Variants in ANKRD44 observed in about 807,000 individuals in gnomAD.
The protein encoded by ANKRD44 is serine/threonine-protein phosphatase 6 regulatory ankyrin repeat subunit B.
A neutral mutation model predicts 116.0 loss-of-function variants in ANKRD44; 35 were observed. The ratio of observed to expected loss-of-function variants is 0.30; its 90% CI spans 0.23 to 0.40. The LOEUF (loss-of-function observed/expected upper bound fraction) is 0.40. ANKRD44 is among the 10% of genes least tolerant of loss of function. The pLI is 1.00. For missense variants in ANKRD44, 1,014 were observed against 1,242.6 expected (o/e 0.82, Z 2.77); for synonymous variants, 435 against 461.8 (o/e 0.94, Z 0.74).
chr2:197,151,249 T>C (rs2079641970), intron 2 of ANKRD44, among the ~76,000 whole-genome samples: 1 of 151,926 alleles, frequency 6.6e-6, no homozygotes, highest in South Asian at 2.1e-4. Context: ...AGATTAAATC[T>C]CCATTGAAAA....
intron 3 of ANKRD44, among the ~76,000 whole-genome samples, chr2:197,146,683 A>G (rs1047676471): frequency 1.3e-5 from 2 of 152,124 alleles, no homozygotes; most frequent in African/African-American, 2.4e-5. Context: ...CATAGTGTGT[A>G]TAGGTGTATG....
intron 2 of ANKRD44, among the ~76,000 whole-genome samples, chr2:197,148,206 T>G (rs368869873): frequency 1.3e-5 from 2 of 152,220 alleles, no homozygotes; most frequent in Non-Finnish European, 2.9e-5. Context: ...ATTATTGTCA[T>G]TGGCATAGAG....
chr2:197,176,942 C>A (rs1020255668), intron 2 of ANKRD44, among the ~76,000 whole-genome samples: 14 of 146,196 alleles, frequency 9.6e-5, no homozygotes, highest in Middle Eastern at 7.1e-3. Context: ...AATAATAATA[C>A]ATCTACAAAC....
chr2:197,252,902 G>C (rs892666222), intron 1 of ANKRD44, among the ~76,000 whole-genome samples: 10 of 152,104 alleles, frequency 6.6e-5, no homozygotes, highest in Non-Finnish European at 1.2e-4. Context: ...AAAGAGTAGA[G>C]GCCAGAAACA....
chr2:197,099,464 T>A (rs866810028), intron 10 of ANKRD44: 3 of 984,586 alleles, frequency 3.0e-6, no homozygotes, highest in Non-Finnish European at 3.7e-6. Context: ...GAGCAAGCAA[T>A]CTGAATACAT....
chr2:197,051,918 A>C (rs1335235161), intron 16 of ANKRD44, among the ~76,000 whole-genome samples: 1 of 152,228 alleles, frequency 6.6e-6, no homozygotes, highest in African/African-American at 2.4e-5. Context: ...ATCCTGTTCA[A>C]GATGTTAATA....
chr2:197,014,067 C>T (rs891335281), intron 17 of ANKRD44, among the ~76,000 whole-genome samples: 8 of 152,230 alleles, frequency 5.3e-5, no homozygotes, highest in African/African-American at 1.9e-4. Flanking sequence ...TCTGTCAGTT[C>T]AGTCCTAAAC....
intron 3 of ANKRD44, among the ~76,000 whole-genome samples, chr2:197,144,237 G>C (rs1478407729): frequency 6.6e-6 from 1 of 152,206 alleles, no homozygotes; most frequent in South Asian, 2.1e-4. Flanking sequence ...CAGGAATTTA[G>C]CAAGCTTGGG....
At chr2:197,164,738 CCCTCAGCCT>C (rs1559117782) in intron 2 of ANKRD44, among the ~76,000 whole-genome samples, 1 of 152,242 alleles carries the variant, frequency 6.6e-6, no homozygotes, top group Non-Finnish European at 1.5e-5. Context: ...TGCAGCCCAA[CCCTCAGCCT>C]CCTCCATGCA....
At chr2:197,133,244 C>T (rs1396853373) in intron 4 of ANKRD44, among the ~76,000 whole-genome samples, 1 of 152,178 alleles carries the variant, frequency 6.6e-6, no homozygotes, top group African/African-American at 2.4e-5. Flanking sequence ...TGCAAGTCAC[C>T]CATGTCCATG....
intron 3 of ANKRD44, among the ~76,000 whole-genome samples, chr2:197,143,844 G>A (rs913145709): frequency 1.3e-5 from 2 of 152,116 alleles, no homozygotes; most frequent in African/African-American, 4.8e-5. Flanking sequence ...GGCCAGGCTG[G>A]TCTTGAACTC....
At chr2:197,068,980 T>C (rs2077502306) in intron 16 of ANKRD44, among the ~76,000 whole-genome samples, 1 of 152,214 alleles carries the variant, frequency 6.6e-6, no homozygotes, top group South Asian at 2.1e-4. Flanking sequence ...ATCATGCTGC[T>C]ATAAAGACAC....
At chr2:197,070,868 A>C (rs1328833561) in intron 16 of ANKRD44, among the ~76,000 whole-genome samples, 1 of 152,148 alleles carries the variant, frequency 6.6e-6, no homozygotes, top group African/African-American at 2.4e-5. Flanking sequence ...CCATGCCTGG[A>C]AATTTCTTTA....
At chr2:196,977,008 C>T (rs2075765769) in intron 21 of ANKRD44, among the ~76,000 whole-genome samples, 1 of 152,088 alleles carries the variant, frequency 6.6e-6, no homozygotes, top group African/African-American at 2.4e-5. Flanking sequence ...TTTTAAAAAA[C>T]AATTGTACTT....
At position 196,987,078 on chromosome 2, in the gene ANKRD44, T is replaced by C. The variant is rs2075846266; in HGVS notation, c.*2513A>G. The C allele has an allele frequency of 2.0e-6, 2 of 984,960 alleles. No homozygotes were observed. Among genetic ancestry groups the C allele is most frequent in the African/African-American group, 3.5e-5 (2 of 57,372 alleles). The allele number at this position is 984,960 out of a possible 1,614,324, so 61.0% of individuals were successfully genotyped here. On this transcript the variant is annotated 3_prime_UTR_variant, in exon 28 of 28. Coordinates refer to ENST00000282272, the MANE Select transcript of ANKRD44 (RefSeq NM_001195144.2). The stretch of plus-strand genomic sequence containing the variant: ...ACTACCAAATAAAAGATATTTGCAT[T>C]GAATTTTTAGATCACATAAGAAACG...
At chr2:197,180,064 C>T (rs2080465755) in intron 2 of ANKRD44, among the ~76,000 whole-genome samples, 1 of 151,864 alleles carries the variant, frequency 6.6e-6, no homozygotes, top group Non-Finnish European at 1.5e-5. Flanking sequence ...CCTCCACCTC[C>T]CCCACCCCGG....
chr2:197,052,523 G>C (rs572935148), intron 16 of ANKRD44, among the ~76,000 whole-genome samples: 4 of 152,160 alleles, frequency 2.6e-5, no homozygotes, highest in Admixed American at 2.0e-4. Context: ...ACTTACCTTA[G>C]AGAAAATTAG....
At chr2:197,101,012 T>G (rs1282829140) in intron 9 of ANKRD44, among the ~76,000 whole-genome samples, 1 of 152,210 alleles carries the variant, frequency 6.6e-6, no homozygotes, top group Non-Finnish European at 1.5e-5. Context: ...AAAGACATTT[T>G]CGCACATAAC....
rs1288799262 is a variant in ANKRD44 at position 197,310,647 on chromosome 2, C to A, written c.-43G>T. ...CGCACACACATGCAGGTCCCCGGCC[C>A]GCAGATGTCACGCCGGGAGCCGGGG... is the stretch of plus-strand genomic sequence containing the variant. On this transcript the variant is annotated 5_prime_UTR_variant, in exon 1 of 28. Coordinates refer to ENST00000282272, the MANE Select transcript of ANKRD44 (RefSeq NM_001195144.2). 8.2e-6 allele frequency: 11 copies of A among 1,335,544 alleles called. No homozygotes were observed. Among genetic ancestry groups the A allele is most frequent in the Non-Finnish European group, 1.1e-5 (11 of 1,019,676 alleles). The allele number at this position is 1,335,544 out of a possible 1,614,324, so 82.7% of individuals were successfully genotyped here.
Sources: gnomAD v4.1 joint callset for allele counts (sites outside exome capture counted in the v4.1 genomes callset) on GRCh38, gnomAD v4.1.1 for gene constraint, MANE v1.5 for transcripts, NCBI Gene and HGNC (gene_info 2026-07-23, HGNC 2026-07-21) for gene names.